The following WDR27 variants were observed in gnomAD, a reference collection of about 807,000 sequenced individuals.
WDR27 encodes WD repeat domain 27.
In WDR27, 100 loss-of-function variants were observed where a neutral mutation model predicts 114.4. The ratio of observed to expected loss-of-function variants is 0.87; its 90% confidence interval spans 0.74 to 1.03. The LOEUF is 1.03. Among genes scored for constraint, WDR27 ranks in the 50% least tolerant of loss-of-function variants. The pLI is 0.00. For missense variants in WDR27, 1,129 were observed against 1,092.9 expected, an observed-to-expected ratio of 1.03 and a Z score of -0.47; for synonymous variants, 449 against 423.1, an observed-to-expected ratio of 1.06 and a Z score of -0.75.
chr6:169,675,120 G>A (rs1585089443), intron 2 of WDR27, among the ~76,000 whole-genome samples: 1 of 152,308 alleles, frequency 6.6e-6, no homozygotes, highest in Non-Finnish European at 1.5e-5. Flanking sequence ...CCGAGCTTGG[G>A]CTCAGAGGCC....
chr6:169,597,954 A>G (rs1321086635), intron 23 of WDR27, among the ~76,000 whole-genome samples: 1 of 145,062 alleles, frequency 6.9e-6, no homozygotes, highest in African/African-American at 2.6e-5. Context: ...CCTGAAACAT[A>G]GGTCTCTTTT....
chr6:169,658,463 G>T, intron 12 of WDR27, 105 bp from the exon 13 acceptor site: 2 of 826,296 alleles, frequency 2.4e-6, no homozygotes, highest in South Asian at 1.5e-5. Context: ...ACTGATTCCT[G>T]CAGCTGTGGA....
At chr6:169,445,091 C>T in the WDR27 span, among the ~76,000 whole-genome samples, 1 of 152,314 alleles carries the variant, frequency 6.6e-6, no homozygotes. Context: ...CGATGGCTGG[C>T]TTGCCGTGGT....
At chr6:169,500,619 A>G (rs1323310559) in intron 25 of WDR27, among the ~76,000 whole-genome samples, 3 of 152,108 alleles carry the variant, frequency 2.0e-5, no homozygotes, top group African/African-American at 7.2e-5. Context: ...GAGGAGGGGC[A>G]ATGAGTACCC....
At chr6:169,633,098 C>A in intron 20 of WDR27, 30 bp from the exon 21 acceptor site, 2 of 1,567,634 alleles carry the variant, frequency 1.3e-6, no homozygotes, top group South Asian at 2.3e-5. Context: ...GAGCTCTTCT[C>A]AACACTCTTA....
intron 1 of WDR27, among the ~76,000 whole-genome samples, chr6:169,693,977 T>G (rs1385173115): frequency 2.6e-5 from 4 of 152,152 alleles, no homozygotes; most frequent in Admixed American, 2.6e-4. Context: ...AACTACACCG[T>G]AGAACAAATA....
the WDR27 span, among the ~76,000 whole-genome samples, chr6:169,444,881 G>T: frequency 6.6e-6 from 1 of 152,148 alleles, no homozygotes; most frequent in African/African-American, 2.4e-5. Context: ...GCCAGAGGCT[G>T]CACAGCCCTC....
At chr6:169,671,024 T>C (rs887487678) in intron 3 of WDR27, 3 of 219,840 alleles carry the variant, frequency 1.4e-5, no homozygotes, top group Admixed American at 5.3e-5. Context: ...TCCAACCCCA[T>C]GTCCACCCTC....
chr6:169,474,765 C>T (rs1786903349), intron 25 of WDR27, among the ~76,000 whole-genome samples: 1 of 151,982 alleles, frequency 6.6e-6, no homozygotes, highest in Admixed American at 6.5e-5. Flanking sequence ...TAAGGAAGAG[C>T]AAAATGAGTT....
At chr6:169,635,698 G>A (rs575758762) in intron 19 of WDR27, among the ~76,000 whole-genome samples, 2 of 152,296 alleles carry the variant, frequency 1.3e-5, no homozygotes, top group East Asian at 1.9e-4. Context: ...TGCCCATTCC[G>A]AGCGCAGGGC....
intron 13 of WDR27, among the ~76,000 whole-genome samples, chr6:169,656,059 G>A (rs573090489): frequency 6.6e-6 from 1 of 152,116 alleles, no homozygotes; most frequent in South Asian, 2.1e-4. Flanking sequence ...AGCAGAGAGG[G>A]GACCCGGAGA....
chr6:169,578,184 A>G (rs1248662371), intron 24 of WDR27, among the ~76,000 whole-genome samples: 2 of 152,196 alleles, frequency 1.3e-5, no homozygotes, highest in Non-Finnish European at 2.9e-5. Context: ...GCGCTCTCCA[A>G]CTGTGAAAGT....
intron 25 of WDR27, among the ~76,000 whole-genome samples, chr6:169,481,699 A>C (rs983114901): frequency 7.9e-5 from 12 of 152,130 alleles, no homozygotes; most frequent in Non-Finnish European, 1.5e-5. Flanking sequence ...CAGTGAAACC[A>C]CGAACCCACT....
intron 16 of WDR27, among the ~76,000 whole-genome samples, chr6:169,647,245 G>A (rs1159888373): frequency 6.6e-6 from 1 of 152,240 alleles, no homozygotes; most frequent in African/African-American, 2.4e-5. Context: ...GTGAGAATCG[G>A]GCGACTGTCA....
At chr6:169,569,571 G>A (rs1432748428) in intron 25 of WDR27, among the ~76,000 whole-genome samples, 1 of 152,166 alleles carries the variant, frequency 6.6e-6, no homozygotes, top group African/African-American at 2.4e-5. Context: ...TAAATATGGT[G>A]AATTTTAAGT....
intron 25 of WDR27, among the ~76,000 whole-genome samples, chr6:169,564,325 C>T (rs1800115358): frequency 1.3e-5 from 2 of 152,192 alleles, no homozygotes; most frequent in African/African-American, 4.8e-5. Context: ...TGGTGGCCAC[C>T]CACATTGAGG....
intron 25 of WDR27, among the ~76,000 whole-genome samples, chr6:169,477,453 C>T (rs1787338373): frequency 6.6e-6 from 1 of 151,966 alleles, no homozygotes; most frequent in Non-Finnish European, 1.5e-5. Context: ...TTTGTCTTTT[C>T]TTTGAGACAG....
At chr6:169,520,751 C>A (rs931929210) in intron 25 of WDR27, among the ~76,000 whole-genome samples, 2 of 151,858 alleles carry the variant, frequency 1.3e-5, no homozygotes, top group African/African-American at 4.8e-5. Flanking sequence ...TGAAAAAAAT[C>A]ATGAGAGGCT....
At chr6:169,575,449 G>A (rs546926715) in intron 24 of WDR27, among the ~76,000 whole-genome samples, 1 of 150,028 alleles carries the variant, frequency 6.7e-6, no homozygotes, top group Non-Finnish European at 1.5e-5. Flanking sequence ...TACTGATTCC[G>A]TTTCTCTGCA....
Sources: allele counts gnomAD v4.1 joint callset (sites outside exome capture counted in the v4.1 genomes callset), GRCh38; gene constraint gnomAD v4.1.1; transcripts MANE v1.5; gene names NCBI Gene and HGNC (gene_info 2026-07-23, HGNC 2026-07-21).